The following C1orf21 variants were observed in gnomAD, a reference collection of about 807,000 sequenced individuals.
C1orf21 encodes uncharacterized protein C1orf21.
A neutral mutation model predicts 18.7 loss-of-function variants in C1orf21; 3 were observed. The observed-to-expected ratio is 0.16, with a 90% CI of 0.07 to 0.42. The LOEUF is 0.42. Ranked by LOEUF, C1orf21 falls within the 10% of genes least tolerant of loss-of-function variation. The pLI is 0.99. For synonymous variants in C1orf21, 41 were observed against 46.4 expected (o/e 0.88, Z 0.47); for missense variants, 104 against 143.6 (o/e 0.72, Z 1.41).
intron 1 of C1orf21, among the ~76,000 whole-genome samples, chr1:184,439,396 A>T (rs1656910596): frequency 6.6e-6 from 1 of 150,510 alleles, no homozygotes; most frequent in South Asian, 2.1e-4. Flanking sequence ...AGTGAGGATA[A>T]TGAAATCATC....
intron 2 of C1orf21, among the ~76,000 whole-genome samples, chr1:184,503,166 G>A (rs1004354217): frequency 2.6e-5 from 4 of 150,984 alleles, no homozygotes; most frequent in Non-Finnish European, 5.9e-5. Context: ...AGCAAACTCT[G>A]GAAGGAACTG....
At chr1:184,494,985 G>A (rs1390857765) in intron 2 of C1orf21, among the ~76,000 whole-genome samples, 2 of 152,144 alleles carry the variant, frequency 1.3e-5, no homozygotes, top group Admixed American at 6.5e-5. Flanking sequence ...CAAGTGAGGA[G>A]AAGTGCTGCA....
intron 1 of C1orf21, among the ~76,000 whole-genome samples, chr1:184,474,392 G>A (rs950039088): frequency 5.9e-5 from 9 of 151,954 alleles, no homozygotes; most frequent in South Asian, 2.1e-4. Flanking sequence ...GAATAATAGA[G>A]ACATCCTTTA....
intron 1 of C1orf21, among the ~76,000 whole-genome samples, chr1:184,399,646 C>T (rs889163522): frequency 6.6e-6 from 1 of 152,178 alleles, no homozygotes; most frequent in African/African-American, 2.4e-5. Context: ...TGAGCCACCA[C>T]TCCTGGCCAT....
intron 3 of C1orf21, among the ~76,000 whole-genome samples, chr1:184,587,548 G>A (rs1467469137): frequency 6.8e-6 from 1 of 147,174 alleles, no homozygotes; most frequent in Admixed American, 6.7e-5. Flanking sequence ...GTGTGTGTGT[G>A]TGTGTGTGTG....
chr1:184,392,068 A>G (rs1209946780), intron 1 of C1orf21, among the ~76,000 whole-genome samples: 1 of 152,144 alleles, frequency 6.6e-6, no homozygotes, highest in African/African-American at 2.4e-5. Context: ...TAATTTCTGT[A>G]TTTGACAGGC....
At chr1:184,405,484 C>A (rs1156695750) in intron 1 of C1orf21, among the ~76,000 whole-genome samples, 1 of 152,132 alleles carries the variant, frequency 6.6e-6, no homozygotes, top group Non-Finnish European at 1.5e-5. Context: ...TGTGAGCCAC[C>A]ACACCTGGCC....
intron 1 of C1orf21, among the ~76,000 whole-genome samples, chr1:184,462,526 G>T (rs1272911822): frequency 6.6e-6 from 1 of 152,134 alleles, no homozygotes; most frequent in Non-Finnish European, 1.5e-5. Context: ...GCATAGATTA[G>T]GAGGTCTCTT....
chr1:184,391,720 T>C (rs565741542), intron 1 of C1orf21, among the ~76,000 whole-genome samples: 1 of 152,040 alleles, frequency 6.6e-6, no homozygotes, highest in East Asian at 1.9e-4. Context: ...TTTCTTTCTT[T>C]TTTTTTTTTC....
rs758145960 is a variant in C1orf21 at position 184,488,966 on chromosome 1, AG to A, written c.94+11364del. Reference sequence around the variant, plus strand: ...GGCGACAGAGCGAGACTCTGTCTCAAGAAAAAGAAAAGAAAAGAAACTGTAA... The same window carrying A: ...GGCGACAGAGCGAGACTCTGTCTCAAAAAAAGAAAAGAAAAGAAACTGTAA... On this transcript the variant is annotated intron_variant, in intron 2 of 5. Transcript: ENST00000235307. Among the ~76,000 whole-genome samples the A allele has an allele frequency of 6.2e-3, 944 of 152,184 alleles. 4 individuals carry two copies. Among genetic ancestry groups the A allele is most frequent in the South Asian group, 0.012 (56 of 4,812 alleles).
rs372093013 is a variant in C1orf21, at chr1:184,488,978, G to A, written c.94+11375G>A. On this transcript the variant is annotated intron_variant, in intron 2 of 5. Transcript: ENST00000235307. ...AGACTCTGTCTCAAGAAAAAGAAAA[G>A]AAAAGAAACTGTAAAAGTACTACAA... Among the ~76,000 whole-genome samples, 974 of 151,846 alleles carry A rather than the reference G, an allele frequency of 6.4e-3. 6 individuals carry two copies. The highest frequency in any genetic ancestry group is 0.017 in the Middle Eastern group (5 of 290).
At chr1:184,454,660 C>A (rs6656089) in intron 1 of C1orf21, among the ~76,000 whole-genome samples, 24,779 of 151,890 alleles carry the variant, frequency 0.16, 2,232 homozygotes, top group Non-Finnish European at 0.2. Flanking sequence ...CTATATGGCA[C>A]CTCCCCTCTC....
At chr1:184,494,151 A>G (rs146208987) in intron 2 of C1orf21, among the ~76,000 whole-genome samples, 4 of 152,344 alleles carry the variant, frequency 2.6e-5, no homozygotes, top group Middle Eastern at 3.4e-3. Flanking sequence ...GAGAAGGTCT[A>G]TCTGAGGAAC....
In C1orf21 at chr1:184,536,207, G is replaced by T. The variant is rs144317443; in HGVS notation, c.189+28525G>T. 3.0e-3 allele frequency among the ~76,000 whole-genome samples: 456 copies of T among 152,310 alleles called. 1 individual carries two copies. The highest frequency in any genetic ancestry group is 0.01 in the African/African-American group (418 of 41,576). On this transcript the variant is annotated intron_variant, in intron 3 of 5. Transcript: ENST00000235307. ...TTTTAAAGTGAGATTTGACCCATCT[G>T]ACCTGGGTCAAACTTCATTACAAAC...
intron 4 of C1orf21, among the ~76,000 whole-genome samples, chr1:184,597,480 G>A (rs1360852347): frequency 2.0e-5 from 3 of 152,094 alleles, no homozygotes; most frequent in Non-Finnish European, 2.9e-5. Flanking sequence ...GGATATGAAG[G>A]GAAGAAGCCA....
intron 1 of C1orf21, among the ~76,000 whole-genome samples, chr1:184,426,028 A>G (rs941686946): frequency 6.6e-6 from 1 of 152,234 alleles, no homozygotes. Context: ...TGTACTCAGC[A>G]GCTCTGCCAG....
chr1:184,434,700 G>T (rs1168662255), intron 1 of C1orf21, among the ~76,000 whole-genome samples: 1 of 152,166 alleles, frequency 6.6e-6, no homozygotes, highest in Non-Finnish European at 1.5e-5. Context: ...CCATGACAGG[G>T]TTCCAAAGAA....
chr1:184,451,440 A>G (rs1226400860), intron 1 of C1orf21, among the ~76,000 whole-genome samples: 1 of 147,590 alleles, frequency 6.8e-6, no homozygotes, highest in Non-Finnish European at 1.5e-5. Flanking sequence ...GTAGGCATAC[A>G]CCATCATGCC....
intron 3 of C1orf21, among the ~76,000 whole-genome samples, chr1:184,576,010 A>G (rs1659184389): frequency 6.6e-6 from 1 of 152,150 alleles, no homozygotes; most frequent in African/African-American, 2.4e-5. Context: ...GACAGAGGGC[A>G]TTGCTTGACT....
Sources: allele counts gnomAD v4.1 joint callset (sites outside exome capture counted in the v4.1 genomes callset), GRCh38; gene constraint gnomAD v4.1.1; transcripts MANE v1.5; gene names NCBI Gene and HGNC (gene_info 2026-07-23, HGNC 2026-07-21).